The following ADGRA3 variants were observed in gnomAD, a reference collection of about 807,000 sequenced individuals.
ADGRA3 encodes adhesion G protein-coupled receptor A3.
Under a neutral mutation model 119.8 loss-of-function variants are expected in ADGRA3, and 56 were observed. The ratio of observed to expected loss-of-function variants is 0.47; its 90% CI spans 0.38 to 0.58. ADGRA3 has a LOEUF of 0.58. Ranked by LOEUF, ADGRA3 falls within the 20% of genes least tolerant of loss-of-function variation. The pLI is 0.00. For missense variants in ADGRA3, 1,516 were observed against 1,649.0 expected, an observed-to-expected ratio of 0.92 and a Z score of 1.40; for synonymous variants, 607 against 623.8, an observed-to-expected ratio of 0.97 and a Z score of 0.40.
chr4:22,513,605 G>A (rs902686459), intron 1 of ADGRA3, among the ~76,000 whole-genome samples: 5 of 150,268 alleles, frequency 3.3e-5, no homozygotes, highest in African/African-American at 1.2e-4. Flanking sequence ...TCCACCTCTC[G>A]GGTTCAAGTG....
At chr4:22,453,445 A>G (rs1003193583) in intron 4 of ADGRA3, among the ~76,000 whole-genome samples, 1 of 152,316 alleles carries the variant, frequency 6.6e-6, no homozygotes, top group African/African-American at 2.4e-5. Context: ...CAAATTTCCT[A>G]TGCAGCACGA....
At chr4:22,472,351 C>G (rs544175120) in intron 2 of ADGRA3, among the ~76,000 whole-genome samples, 111 of 152,300 alleles carry the variant, frequency 7.3e-4, no homozygotes, top group African/African-American at 2.4e-3. Flanking sequence ...TCCCAAATGT[C>G]CATTCCTGAA....
At chr4:22,401,144 T>C (rs946703554) in intron 16 of ADGRA3, among the ~76,000 whole-genome samples, 7 of 152,136 alleles carry the variant, frequency 4.6e-5, no homozygotes, top group Non-Finnish European at 7.4e-5. Flanking sequence ...AAAGTCAGAA[T>C]TTCATACATT....
rs193272000 is a variant in ADGRA3, at chr4:22,404,922, G to C, written c.2233-2123C>G. ...TTCCAGTACAGAACTAATAACTGAG[G>C]ATAAACTTTCAATATCTAGTTTAGC... On this transcript the variant is annotated intron_variant, in intron 14 of 18. Coordinates refer to ENST00000334304, the MANE Select transcript of ADGRA3 (RefSeq NM_145290.4). Among the ~76,000 whole-genome samples the C allele has an allele frequency of 7.8e-4, 118 of 152,252 alleles. 1 individual carries two copies. The highest frequency in any genetic ancestry group is 2.7e-3 in the African/African-American group (114 of 41,544).
chr4:22,495,631 G>A (rs1041307289), intron 1 of ADGRA3, among the ~76,000 whole-genome samples: 8 of 152,002 alleles, frequency 5.3e-5, no homozygotes, highest in East Asian at 1.9e-4. Context: ...GTTATAGGCC[G>A]GGCGTGGTGG....
At position 22,445,153 on chromosome 4, in the gene ADGRA3, C is replaced by T; in HGVS notation, c.546-20G>A. ...AATTCCCTGTAACATGCAAATACAACTTAGAGATTATAGTGAATAAAATTA... is the reference window on the plus strand; with the variant it reads ...AATTCCCTGTAACATGCAAATACAATTTAGAGATTATAGTGAATAAAATTA... On this transcript the variant is annotated intron_variant, in intron 5 of 18. Coordinates refer to ENST00000334304, the MANE Select transcript of ADGRA3 (RefSeq NM_145290.4). The T allele has an allele frequency of 6.2e-7, 1 of 1,610,306 alleles. No individual in the cohort carries two copies. Among genetic ancestry groups the T allele is most frequent in the Non-Finnish European group, 8.5e-7 (1 of 1,176,790 alleles).
At chr4:22,505,945 G>A (rs1304325433) in intron 1 of ADGRA3, among the ~76,000 whole-genome samples, 1 of 152,142 alleles carries the variant, frequency 6.6e-6, no homozygotes, top group Non-Finnish European at 1.5e-5. Context: ...CTAAATGAAT[G>A]CAAAAGCAAG....
intron 10 of ADGRA3, 37 bp downstream of exon 10, chr4:22,435,274 G>C: frequency 6.5e-7 from 1 of 1,543,580 alleles, no homozygotes. Context: ...ACCATTTGTT[G>C]ACACTGTATG....
At chr4:22,471,627 G>C (rs1053870261) in intron 2 of ADGRA3, among the ~76,000 whole-genome samples, 2 of 152,126 alleles carry the variant, frequency 1.3e-5, no homozygotes, top group African/African-American at 4.8e-5. Flanking sequence ...TGTGTACTTT[G>C]GATGTGCTGA....
intron 1 of ADGRA3, among the ~76,000 whole-genome samples, chr4:22,484,436 C>A (rs144190964): frequency 0.017 from 2,600 of 152,102 alleles, 39 homozygotes; most frequent in Middle Eastern, 0.058. Context: ...GAAACCCCGT[C>A]TCTACTAAGA....
intron 4 of ADGRA3, among the ~76,000 whole-genome samples, chr4:22,448,405 T>A (rs1716905922): frequency 6.6e-6 from 1 of 152,202 alleles, no homozygotes; most frequent in African/African-American, 2.4e-5. Context: ...ATCTGTTCTA[T>A]GCCTGTTATG....
chr4:22,398,059 T>C (rs1714441272), intron 16 of ADGRA3: 1 of 985,088 alleles, frequency 1.0e-6, no homozygotes, highest in Non-Finnish European at 1.2e-6. Context: ...GGAGCTATCT[T>C]CTACACATGG....
chr4:22,452,337 C>T (rs1486375681), intron 4 of ADGRA3, among the ~76,000 whole-genome samples: 1 of 152,124 alleles, frequency 6.6e-6, no homozygotes, highest in Non-Finnish European at 1.5e-5. Flanking sequence ...AAAGCCCTGA[C>T]TTGACCACCA....
At chr4:22,456,883 C>T (rs1027738749) in intron 3 of ADGRA3, among the ~76,000 whole-genome samples, 2 of 152,158 alleles carry the variant, frequency 1.3e-5, no homozygotes, top group Admixed American at 6.5e-5. Flanking sequence ...TATCTGTCCT[C>T]GTTTTTCTGT....
chr4:22,443,711 A>G (rs1394927321), intron 6 of ADGRA3, among the ~76,000 whole-genome samples: 1 of 152,194 alleles, frequency 6.6e-6, no homozygotes, highest in Admixed American at 6.5e-5. Flanking sequence ...GTTATAAAAT[A>G]TCATTAGAGT....
intron 1 of ADGRA3, among the ~76,000 whole-genome samples, chr4:22,493,008 C>CG (rs199869022): frequency 4.2e-4 from 2 of 4,748 alleles, no homozygotes; most frequent in African/African-American, 4.5e-4. Context: ...CTCTGTCACC[C>CG]AGGTGGAGTG....
chr4:22,483,888 A>G (rs73802831), intron 1 of ADGRA3, among the ~76,000 whole-genome samples: 2,368 of 152,338 alleles, frequency 0.016, 63 homozygotes, highest in African/African-American at 0.053. Context: ...GGATTCATTC[A>G]TGTGTCATAG....
At chr4:22,406,226 G>A (rs914924968) in intron 14 of ADGRA3, among the ~76,000 whole-genome samples, 2 of 152,126 alleles carry the variant, frequency 1.3e-5, no homozygotes, top group African/African-American at 2.4e-5. Context: ...TTGATGGACT[G>A]ATGGACACTT....
rs758176633 is a variant in ADGRA3 at position 22,389,151 on chromosome 4, A to G, written c.2660T>C (p.Ile887Thr). The G allele has an allele frequency of 1.9e-6, 3 of 1,613,960 alleles. No individual in the cohort carries two copies. In the Admixed American group the frequency reaches 5.0e-5, roughly 27 times the overall value. ...FYLIGGGIPI[I>T]VCGITAAANI... ...CGCTGCTGCAGTTATGCCGCAAACA[A>G]TGATGGGGATACCACCACCAATCAG... The change falls in exon 18 of 19, where the codon ATT (isoleucine) becomes ACT (threonine). Residue 887 changes from isoleucine to threonine, a missense_variant. Physicochemically the swap from Ile to Thr is moderately conservative, Grantham distance 89. Transcript: ENST00000334304.
Sources: allele counts gnomAD v4.1 joint callset (sites outside exome capture counted in the v4.1 genomes callset), GRCh38; gene constraint gnomAD v4.1.1; transcripts MANE v1.5; gene names NCBI Gene and HGNC (gene_info 2026-07-23, HGNC 2026-07-21).